Variants in SEMA5A observed in about 807,000 individuals in gnomAD.
SEMA5A encodes semaphorin-5A.
Under a neutral mutation model 135.5 loss-of-function variants are expected in SEMA5A, and 55 were observed. The ratio of observed to expected loss-of-function variants is 0.41; its 90% CI spans 0.33 to 0.51. SEMA5A has a LOEUF of 0.51. SEMA5A is among the 20% of genes least tolerant of loss of function. The pLI, the probability that SEMA5A is intolerant of heterozygous loss-of-function variation, is 0.37. For missense variants in SEMA5A, 1,290 were observed against 1,419.9 expected, an observed-to-expected ratio of 0.91 and a Z score of 1.47; for synonymous variants, 580 against 546.5, an observed-to-expected ratio of 1.06 and a Z score of -0.85.
rs1742058130 is a variant in SEMA5A at position 9,141,414 on chromosome 5, TTC to T, written c.1482-4795_1482-4794del. Among the ~76,000 whole-genome samples, 4 of 152,328 alleles carry T rather than the reference TTC, an allele frequency of 2.6e-5. No individual in the cohort carries two copies. In the South Asian group the frequency reaches 8.3e-4, roughly 32 times the overall value. ...CATCATTTTGTACCCCATAAATATA[TTC>T]TGTTCAAATATAATTATCAACATTC... On this transcript the variant is annotated intron_variant, in intron 12 of 22. Transcript: ENST00000382496.
intron 5 of SEMA5A, among the ~76,000 whole-genome samples, chr5:9,289,921 G>C (rs907995184): frequency 6.6e-6 from 1 of 152,128 alleles, no homozygotes; most frequent in Non-Finnish European, 1.5e-5. Flanking sequence ...CATTTCAAAA[G>C]TGAATTTTCT....
At chr5:9,312,144 C>T (rs998418978) in intron 5 of SEMA5A, among the ~76,000 whole-genome samples, 1 of 152,004 alleles carries the variant, frequency 6.6e-6, no homozygotes, top group African/African-American at 2.4e-5. Flanking sequence ...CTGAGGCCAG[C>T]TCCATTTTTA....
chr5:9,083,423 T>C (rs999688254), intron 16 of SEMA5A, among the ~76,000 whole-genome samples: 56 of 152,228 alleles, frequency 3.7e-4, no homozygotes, highest in Non-Finnish European at 1.2e-4. Context: ...TATTACTGCA[T>C]GAATATTTCC....
intron 5 of SEMA5A, among the ~76,000 whole-genome samples, chr5:9,253,633 T>C (rs2150494866): frequency 6.6e-6 from 1 of 152,294 alleles, no homozygotes; most frequent in Middle Eastern, 3.4e-3. Context: ...TTCCTACTAA[T>C]ACACTATCCA....
intron 5 of SEMA5A, chr5:9,265,491 G>A (rs1282184811): frequency 2.2e-6 from 1 of 456,326 alleles, no homozygotes; most frequent in Admixed American, 2.3e-5. Flanking sequence ...CTCTTCTGCC[G>A]CGGGACTCCC....
intron 2 of SEMA5A, among the ~76,000 whole-genome samples, chr5:9,384,581 T>C (rs148457737): frequency 9.3e-6 from 1 of 106,996 alleles, no homozygotes; most frequent in Non-Finnish European, 2.0e-5. Context: ...CATAGATAGA[T>C]AGATAGATAG....
chr5:9,376,218 C>A (rs1477189080), intron 3 of SEMA5A, among the ~76,000 whole-genome samples: 2 of 152,166 alleles, frequency 1.3e-5, no homozygotes, highest in Non-Finnish European at 2.9e-5. Flanking sequence ...CCAGGCACCT[C>A]CGAATCCCCA....
chr5:9,286,071 G>A (rs1235049690), intron 5 of SEMA5A, among the ~76,000 whole-genome samples: 1 of 152,060 alleles, frequency 6.6e-6, no homozygotes, highest in Non-Finnish European at 1.5e-5. Context: ...GATGCTTCCT[G>A]AAAAACTGAG....
At chr5:9,427,581 CG>C (rs1458369669) in intron 2 of SEMA5A, among the ~76,000 whole-genome samples, 1 of 152,084 alleles carries the variant, frequency 6.6e-6, no homozygotes. Flanking sequence ...ATCCCTGTGC[CG>C]GGCTGATGAA....
intron 16 of SEMA5A, among the ~76,000 whole-genome samples, chr5:9,076,905 T>C (rs148856915): frequency 5.4e-4 from 79 of 146,764 alleles, no homozygotes; most frequent in Non-Finnish European, 9.8e-4. Flanking sequence ...TGTGTGTGTG[T>C]GTGTAGCCTG....
chr5:9,205,563 C>T (rs1304001317), intron 8 of SEMA5A, among the ~76,000 whole-genome samples: 1 of 152,120 alleles, frequency 6.6e-6, no homozygotes, highest in Non-Finnish European at 1.5e-5. Flanking sequence ...CCCACAGTTT[C>T]CTCTTTCCAC....
chr5:9,214,612 C>T (rs781073453), intron 8 of SEMA5A, among the ~76,000 whole-genome samples: 24 of 152,116 alleles, frequency 1.6e-4, no homozygotes, highest in South Asian at 2.1e-4. Flanking sequence ...CTCTGTATCC[C>T]GGCCAGATGT....
At chr5:9,372,817 A>G (rs969514388) in intron 3 of SEMA5A, among the ~76,000 whole-genome samples, 1 of 152,240 alleles carries the variant, frequency 6.6e-6, no homozygotes, top group African/African-American at 2.4e-5. Context: ...CATGGAGCCT[A>G]GCACAGAAAC....
At chr5:9,053,808 A>C (rs1388224179) in intron 19 of SEMA5A, 4 of 303,254 alleles carry the variant, frequency 1.3e-5, no homozygotes, top group Admixed American at 5.1e-5. Flanking sequence ...GGGTGTTGTA[A>C]CATGCCATAG....
At chr5:9,417,792 C>A (rs923149790) in intron 2 of SEMA5A, among the ~76,000 whole-genome samples, 2 of 152,112 alleles carry the variant, frequency 1.3e-5, no homozygotes, top group Non-Finnish European at 2.9e-5. Flanking sequence ...AATAAATTAC[C>A]ATACACCAAG....
rs1239033574 is a variant in SEMA5A at position 9,158,152 on chromosome 5, T to C, written c.1274-3457A>G. 2.6e-5 allele frequency among the ~76,000 whole-genome samples: 4 copies of C among 152,182 alleles called. No individual in the cohort carries two copies. In the East Asian group the frequency reaches 7.7e-4, roughly 29 times the overall value. ...GGAAAGAAGTGTAGCCAGCCTGGAA[T>C]GAGAATGTCATTATTACTCCCACAT... On this transcript the variant is annotated intron_variant, in intron 11 of 22. Coordinates refer to ENST00000382496, the MANE Select transcript of SEMA5A (RefSeq NM_003966.3).
intron 2 of SEMA5A, among the ~76,000 whole-genome samples, chr5:9,422,746 T>C (rs1300019981): frequency 6.6e-6 from 1 of 152,210 alleles, no homozygotes; most frequent in African/African-American, 2.4e-5. Context: ...AGTGTTGTTT[T>C]TGTTGCTGTT....
At chr5:9,530,322 C>T (rs1737370571) in intron 1 of SEMA5A, among the ~76,000 whole-genome samples, 1 of 152,198 alleles carries the variant, frequency 6.6e-6, no homozygotes, top group East Asian at 1.9e-4. Context: ...ATGATATTCA[C>T]ATTTTTATAT....
At chr5:9,540,509 ATTGCTTAAACCTAGGAGGCAGAGG>A (rs1396131651) in intron 1 of SEMA5A, among the ~76,000 whole-genome samples, 2 of 152,018 alleles carry the variant, frequency 1.3e-5, no homozygotes, top group African/African-American at 2.4e-5. Flanking sequence ...AGGCATAAGA[ATTGCTTAAACCTAGGAGGCAGAGG>A]TTGCAGTGAG....
Sources: allele counts gnomAD v4.1 joint callset (sites outside exome capture counted in the v4.1 genomes callset), GRCh38; gene constraint gnomAD v4.1.1; transcripts MANE v1.5; gene names NCBI Gene and HGNC (gene_info 2026-07-23, HGNC 2026-07-21).